ZFAND3: variants seen among roughly 807,000 people sequenced by gnomAD.
ZFAND3 encodes AN1-type zinc finger protein 3.
In ZFAND3, 10 loss-of-function variants were observed where a neutral mutation model predicts 29.6. The ratio of observed to expected loss-of-function variants is 0.34; its 90% CI spans 0.21 to 0.57. The LOEUF (loss-of-function observed/expected upper bound fraction) is 0.57. Ranked by LOEUF, ZFAND3 falls within the 20% of genes least tolerant of loss-of-function variation. The pLI is 0.86. For synonymous variants in ZFAND3, 128 were observed against 112.6 expected, an observed-to-expected ratio of 1.14 and a Z score of -0.87; for missense variants, 230 against 304.5, an observed-to-expected ratio of 0.76 and a Z score of 1.82.
chr6:38,073,506 G>A (rs1764496138), intron 3 of ZFAND3, among the ~76,000 whole-genome samples: 1 of 152,130 alleles, frequency 6.6e-6, no homozygotes. Context: ...TTGGAGAGGT[G>A]ACAGCCCCTA....
intron 5 of ZFAND3, among the ~76,000 whole-genome samples, chr6:38,135,543 G>C (rs1397666403): frequency 1.3e-5 from 2 of 152,252 alleles, no homozygotes; most frequent in Non-Finnish European, 1.5e-5. Flanking sequence ...TCAGGAGTTC[G>C]AGACAAACCT....
intron 4 of ZFAND3, among the ~76,000 whole-genome samples, chr6:38,099,944 A>G (rs9296235): frequency 0.033 from 4,974 of 152,306 alleles, 220 homozygotes; most frequent in African/African-American, 0.096. Flanking sequence ...TTTGAATGAG[A>G]GGTGTTAGCT....
At chr6:37,850,253 G>A (rs975444919) in intron 1 of ZFAND3, among the ~76,000 whole-genome samples, 4 of 152,166 alleles carry the variant, frequency 2.6e-5, no homozygotes, top group Admixed American at 1.3e-4. Context: ...GAGGCATTTT[G>A]GAAGAGATGA....
chr6:37,894,659 A>G (rs1237692458), intron 1 of ZFAND3, among the ~76,000 whole-genome samples: 1 of 152,134 alleles, frequency 6.6e-6, no homozygotes, highest in African/African-American at 2.4e-5. Flanking sequence ...GGCAGGAGCC[A>G]CCACACCCGG....
chr6:37,861,829 G>A (rs943193827), intron 1 of ZFAND3, among the ~76,000 whole-genome samples: 3 of 152,262 alleles, frequency 2.0e-5, no homozygotes, highest in African/African-American at 7.2e-5. Flanking sequence ...GATAACTGGA[G>A]CTTTATTCTA....
chr6:38,100,780 C>G (rs1765077308), intron 4 of ZFAND3, among the ~76,000 whole-genome samples: 1 of 152,166 alleles, frequency 6.6e-6, no homozygotes, highest in Non-Finnish European at 1.5e-5. Context: ...AAGAATGTTT[C>G]CTAAAATTCT....
In ZFAND3 at chr6:38,045,295, G is replaced by T. The variant is rs113369003; in HGVS notation, c.113-16298G>T. Among the ~76,000 whole-genome samples the T allele has an allele frequency of 4.1e-4, 63 of 151,840 alleles. 1 individual carries two copies. The highest frequency in any genetic ancestry group is 7.9e-4 in the Admixed American group (12 of 15,226). On this transcript the variant is annotated intron_variant, in intron 2 of 5. Transcript: ENST00000287218. ...TAGAGATGGAGGTTTTGCCATATTT[G>T]CCAGGCTGGTCTCAAACTCCTGACC...
At chr6:37,906,195 A>G (rs1765403613) in intron 1 of ZFAND3, among the ~76,000 whole-genome samples, 1 of 152,150 alleles carries the variant, frequency 6.6e-6, no homozygotes, top group Non-Finnish European at 1.5e-5. Flanking sequence ...TTGAGGAGCC[A>G]CTTCCTATTC....
chr6:37,835,638 T>G (rs1763953764), intron 1 of ZFAND3, among the ~76,000 whole-genome samples: 1 of 152,184 alleles, frequency 6.6e-6, no homozygotes, highest in Non-Finnish European at 1.5e-5. Context: ...GAAAAGGATG[T>G]CTCCCTCCTA....
intron 2 of ZFAND3, among the ~76,000 whole-genome samples, chr6:37,986,728 G>A (rs542870348): frequency 6.6e-6 from 1 of 152,130 alleles, no homozygotes; most frequent in Non-Finnish European, 1.5e-5. Flanking sequence ...AGCAAAGGAT[G>A]AGTCTCTGAA....
chr6:37,896,534 C>CTTTT (rs1225742090), intron 1 of ZFAND3, among the ~76,000 whole-genome samples: 2 of 119,724 alleles, frequency 1.7e-5, no homozygotes, highest in Admixed American at 1.6e-4. Flanking sequence ...TTCTTTCTTT[C>CTTTT]TTTCTTTCTT....
chr6:38,012,501 C>T (rs1021360639), intron 2 of ZFAND3, among the ~76,000 whole-genome samples: 1 of 151,602 alleles, frequency 6.6e-6, no homozygotes, highest in African/African-American at 2.4e-5. Context: ...GCCTCAGCTT[C>T]CCGAGTAGCT....
chr6:38,144,199 A>AATATAT (rs1766036118), intron 5 of ZFAND3, among the ~76,000 whole-genome samples: 5 of 35,278 alleles, frequency 1.4e-4, no homozygotes, highest in African/African-American at 7.7e-4. Flanking sequence ...ATATATATAT[A>AATATAT]TATATATATA....
intron 2 of ZFAND3, among the ~76,000 whole-genome samples, chr6:37,975,401 T>A (rs757925661): frequency 6.6e-6 from 1 of 152,184 alleles, no homozygotes. Context: ...TTGCAAAGAT[T>A]TTTTCTTGCT....
chr6:37,981,177 G>A (rs1209186415), intron 2 of ZFAND3, among the ~76,000 whole-genome samples: 1 of 152,204 alleles, frequency 6.6e-6, no homozygotes, highest in East Asian at 1.9e-4. Flanking sequence ...TGTGGTGATA[G>A]ATGTATAGGT....
Position 38,152,432 on chromosome 6 carries a change from A to G in ZFAND3, c.*43A>G. 1.3e-6 allele frequency: 2 copies of G among 1,501,232 alleles called. No homozygotes were observed. The highest frequency in any genetic ancestry group is 8.9e-7 in the Non-Finnish European group (1 of 1,125,136). The allele number at this position is 1,501,232 out of a possible 1,614,324, so 93.0% of individuals were successfully genotyped here. ...CACGTGACGCTGTTCTTAGTTCACT[A>G]ATGTTAGCCTTATTTAGGACAAAGT... On this transcript the variant is annotated 3_prime_UTR_variant, in exon 6 of 6. Transcript: ENST00000287218.
At chr6:38,074,550 G>GGTT (rs1442083139) in intron 3 of ZFAND3, among the ~76,000 whole-genome samples, 1 of 152,198 alleles carries the variant, frequency 6.6e-6, no homozygotes, top group Non-Finnish European at 1.5e-5. Flanking sequence ...AGTTAGCAGA[G>GGTT]GTTGGTTCAT....
At chr6:37,933,673 G>C (rs537517456) in intron 2 of ZFAND3, among the ~76,000 whole-genome samples, 1 of 152,144 alleles carries the variant, frequency 6.6e-6, no homozygotes, top group African/African-American at 2.4e-5. Flanking sequence ...CATGTATGTG[G>C]AAGAGGGCCC....
At chr6:38,144,231 A>ATTTTTTT (rs67159019) in intron 5 of ZFAND3, among the ~76,000 whole-genome samples, 3 of 75,282 alleles carry the variant, frequency 4.0e-5, no homozygotes, top group South Asian at 8.5e-4. Context: ...ATATATATAT[A>ATTTTTTT]TTTTTTTTTT....
Sources: gnomAD v4.1 joint callset for allele counts (sites outside exome capture counted in the v4.1 genomes callset) on GRCh38, gnomAD v4.1.1 for gene constraint, MANE v1.5 for transcripts, NCBI Gene and HGNC (gene_info 2026-07-23, HGNC 2026-07-21) for gene names.